XKR6: variants seen among roughly 807,000 people sequenced by gnomAD.
XKR6 encodes XK-related protein 6.
A neutral mutation model predicts 56.7 loss-of-function variants in XKR6; 22 were observed. The observed-to-expected ratio is 0.39, with a 90% confidence interval of 0.28 to 0.55. The LOEUF is 0.55. Ranked by LOEUF, XKR6 falls within the 20% of genes least tolerant of loss-of-function variation. XKR6 has a pLI of 0.66. For missense variants in XKR6, 852 were observed against 889.0 expected (o/e 0.96, Z 0.53); for synonymous variants, 524 against 387.8 (o/e 1.35, Z -4.13).
chr8:10,995,358 T>C (rs1798085596), intron 1 of XKR6, among the ~76,000 whole-genome samples: 1 of 148,800 alleles, frequency 6.7e-6, no homozygotes, highest in Non-Finnish European at 1.5e-5. Flanking sequence ...CACATATATA[T>C]ATATGTTATA....
At chr8:11,027,953 T>C (rs956354445) in intron 1 of XKR6, among the ~76,000 whole-genome samples, 16 of 152,240 alleles carry the variant, frequency 1.1e-4, no homozygotes, top group Middle Eastern at 3.4e-3. Context: ...TGAATCTACA[T>C]TGACAGATCG....
chr8:11,196,660 T>C (rs1344143557), intron 1 of XKR6, among the ~76,000 whole-genome samples: 3 of 152,270 alleles, frequency 2.0e-5, no homozygotes, highest in Non-Finnish European at 4.4e-5. Context: ...CCAAGTGGAA[T>C]AAGCCTGAAA....
In XKR6 at chr8:11,201,090, G is replaced by T; in HGVS notation, c.250C>A (p.Arg84Ser). Residue 84 changes from arginine (R) to serine (S), a missense_variant, in exon 1 of 3, where the codon CGC (arginine) becomes AGC (serine). Arg to Ser is a moderately radical substitution (Grantham distance 110). This residue lies in a region of XKR6 where 417 missense variants were observed against 355.2 expected (regional missense o/e 1.17). Transcript: ENST00000416569. ...TCCCCCCCGTCGGCGGCGGCGCTGC[G>T]GCGCGGCTTCCTGCCCAGGAGGGAG... ...LRSLLGRKPR[R>S]SAAADGGDQP... 2 of 1,391,264 alleles carry T rather than the reference G, an allele frequency of 1.4e-6. No homozygotes were observed. The allele number at this position is 1,391,264 out of a possible 1,614,324, so 86.2% of individuals were successfully genotyped here. A position where few individuals can be genotyped will look rare whatever the true frequency, so the allele number is the denominator to read the frequency against.
At chr8:11,032,055 G>A (rs1052869154) in intron 1 of XKR6, among the ~76,000 whole-genome samples, 1 of 152,200 alleles carries the variant, frequency 6.6e-6, no homozygotes, top group African/African-American at 2.4e-5. Context: ...GGGCTCCCCC[G>A]TGGGGCAGGC....
intron 2 of XKR6, among the ~76,000 whole-genome samples, chr8:10,905,274 A>G (rs1800154071): frequency 6.6e-6 from 1 of 152,080 alleles, no homozygotes; most frequent in Non-Finnish European, 1.5e-5. Flanking sequence ...GCTGTCACTC[A>G]GGTCGTGCGG....
chr8:11,019,713 C>T (rs959608701), intron 1 of XKR6, among the ~76,000 whole-genome samples: 3 of 152,324 alleles, frequency 2.0e-5, no homozygotes, highest in South Asian at 4.1e-4. Context: ...GCCCCAGCCA[C>T]ACCTGCAGAC....
chr8:11,056,712 G>T (rs1372858362), intron 1 of XKR6, among the ~76,000 whole-genome samples: 3 of 152,182 alleles, frequency 2.0e-5, no homozygotes, highest in Admixed American at 6.5e-5. Context: ...AAGTCTGAAG[G>T]GTGCTCATAC....
chr8:11,178,885 G>A lies in XKR6; in HGVS notation c.764+21691C>T, dbSNP rs564799442. ...GGGTCTCACTCAGGCACCCAGGTTG[G>A]AGAGTAGAGTGCAGTGGCACAATCA... On this transcript the variant is annotated intron_variant, in intron 1 of 2. Transcript: ENST00000416569. Among the ~76,000 whole-genome samples, 4 of 151,652 alleles carry A rather than the reference G, an allele frequency of 2.6e-5. No homozygotes were observed. The South Asian group carries it at 8.4e-4, about 32-fold the overall frequency.
intron 1 of XKR6, among the ~76,000 whole-genome samples, chr8:11,019,393 C>T (rs1188581205): frequency 1.3e-5 from 2 of 152,242 alleles, no homozygotes; most frequent in Non-Finnish European, 2.9e-5. Context: ...CTGAACCCTT[C>T]GCCTCTGGAC....
At chr8:11,142,699 C>G (rs1362728722) in intron 1 of XKR6, among the ~76,000 whole-genome samples, 1 of 152,180 alleles carries the variant, frequency 6.6e-6, no homozygotes, top group African/African-American at 2.4e-5. Context: ...GAAGCAGAAG[C>G]TGGTGCCATG....
chr8:11,001,257 T>A (rs1228838078), intron 1 of XKR6, among the ~76,000 whole-genome samples: 1 of 147,080 alleles, frequency 6.8e-6, no homozygotes, highest in Non-Finnish European at 1.5e-5. Context: ...AAAACTAACT[T>A]GTTTAGGGCC....
intron 1 of XKR6, among the ~76,000 whole-genome samples, chr8:11,034,763 G>A (rs1256906016): frequency 6.6e-6 from 1 of 152,212 alleles, no homozygotes; most frequent in African/African-American, 2.4e-5. Context: ...TGGGGAAGGG[G>A]TGATGGGTTG....
At position 10,911,609 on chromosome 8, in the gene XKR6, A is replaced by G. The variant is rs919135911; in HGVS notation, c.962-12693T>C. On this transcript the variant is annotated intron_variant, in intron 2 of 2. Transcript: ENST00000416569. The stretch of plus-strand genomic sequence containing the variant: ...AGGAAGAGAGAGGGTGAGATTGCAC[A>G]TATATATGTAGACAGAGAGGGGGTG... Among the ~76,000 whole-genome samples, 9 of 148,096 alleles carry G rather than the reference A, an allele frequency of 6.1e-5. No homozygotes were observed. In the Admixed American group the frequency reaches 6.1e-4, roughly 10 times the overall value.
At chr8:11,014,980 G>A (rs1798585708) in intron 1 of XKR6, among the ~76,000 whole-genome samples, 1 of 152,212 alleles carries the variant, frequency 6.6e-6, no homozygotes, top group Non-Finnish European at 1.5e-5. Flanking sequence ...AAACGCAGAT[G>A]GAACTTGCCA....
At chr8:11,079,646 C>T (rs528938410) in intron 1 of XKR6, among the ~76,000 whole-genome samples, 1 of 152,274 alleles carries the variant, frequency 6.6e-6, no homozygotes, top group African/African-American at 2.4e-5. Flanking sequence ...GTTAGAAAGA[C>T]CAGGTAACGT....
intron 1 of XKR6, among the ~76,000 whole-genome samples, chr8:11,007,215 C>T (rs920489194): frequency 7.2e-5 from 11 of 152,230 alleles, no homozygotes; most frequent in Non-Finnish European, 1.2e-4. Context: ...AGGAATTCAA[C>T]ATCCAAACAC....
intron 1 of XKR6, among the ~76,000 whole-genome samples, chr8:10,954,769 C>G (rs952816409): frequency 6.7e-6 from 1 of 148,320 alleles, no homozygotes; most frequent in African/African-American, 2.5e-5. Context: ...ATGTTTTCTT[C>G]TAAGAGTTGT....
intron 1 of XKR6, among the ~76,000 whole-genome samples, chr8:11,007,086 C>CA (rs923679114): frequency 1.1e-4 from 16 of 151,934 alleles, no homozygotes; most frequent in East Asian, 1.9e-4. Context: ...AGAGCTGCTA[C>CA]AAAAAAAAGT....
At chr8:11,029,759 T>A (rs1343115482) in intron 1 of XKR6, among the ~76,000 whole-genome samples, 1 of 152,072 alleles carries the variant, frequency 6.6e-6, no homozygotes, top group Non-Finnish European at 1.5e-5. Flanking sequence ...CCACTTGCCC[T>A]TTAGCCAGTC....
Sources: allele counts gnomAD v4.1 joint callset (sites outside exome capture counted in the v4.1 genomes callset), GRCh38; gene constraint gnomAD v4.1.1; regional missense constraint gnomAD v4.1.1; transcripts MANE v1.5; gene names NCBI Gene and HGNC (gene_info 2026-07-23, HGNC 2026-07-21).